The following ADGRV1 variants were observed in gnomAD, a reference collection of about 807,000 sequenced individuals.
The protein encoded by ADGRV1 is G-protein coupled receptor 98.
ADGRV1 carries 359 observed loss-of-function variants against 596.2 expected under a neutral mutation model. That is an observed-to-expected ratio of 0.60 (90% confidence interval 0.55 to 0.66). ADGRV1 has a LOEUF of 0.66. Among genes scored for constraint, ADGRV1 ranks in the 30% least tolerant of loss-of-function variants. The pLI is 0.00. For missense variants in ADGRV1, 7,274 were observed against 7,575.6 expected (o/e 0.96, Z 1.48); for synonymous variants, 2,681 against 2,679.2 (o/e 1.00, Z -0.02).
chr5:90,950,147 A>G (rs1207051860), intron 83 of ADGRV1, among the ~76,000 whole-genome samples: 1 of 152,208 alleles, frequency 6.6e-6, no homozygotes, highest in Non-Finnish European at 1.5e-5. Context: ...AACTGCATTT[A>G]TCTCCTGGAT....
At chr5:91,052,004 T>G (rs1786380985) in intron 85 of ADGRV1, among the ~76,000 whole-genome samples, 1 of 152,204 alleles carries the variant, frequency 6.6e-6, no homozygotes. Flanking sequence ...ACTTGTGACT[T>G]TATTTGATCT....
intron 86 of ADGRV1, 96 bp downstream of exon 86, chr5:91,072,700 G>A: frequency 7.6e-7 from 1 of 1,307,470 alleles, no homozygotes. Flanking sequence ...GGGAAGTTCG[G>A]CTCATCTTTC....
intron 83 of ADGRV1, among the ~76,000 whole-genome samples, chr5:90,893,407 C>T (rs535069326): frequency 2.6e-5 from 4 of 152,200 alleles, no homozygotes; most frequent in Admixed American, 2.0e-4. Flanking sequence ...TTTTACTGGT[C>T]GCACACAACT....
At chr5:90,811,763 C>T (rs1351796051) in intron 74 of ADGRV1, among the ~76,000 whole-genome samples, 1 of 149,296 alleles carries the variant, frequency 6.7e-6, no homozygotes, top group African/African-American at 2.5e-5. Flanking sequence ...AAGATTTAAA[C>T]TGTTGCCTTT....
intron 72 of ADGRV1, 124 bp downstream of exon 72, chr5:90,805,582 A>G: frequency 2.5e-6 from 2 of 792,522 alleles, no homozygotes; most frequent in Admixed American, 3.0e-5. Flanking sequence ...ATGCTCCCAT[A>G]TTTAAGTGAT....
At chr5:91,047,582 C>T (rs1785946597) in intron 85 of ADGRV1, among the ~76,000 whole-genome samples, 1 of 152,114 alleles carries the variant, frequency 6.6e-6, no homozygotes, top group Non-Finnish European at 1.5e-5. Context: ...TAGATTGTGC[C>T]CACCCAGATG....
intron 76 of ADGRV1, 144 bp downstream of exon 76, chr5:90,823,740 GC>G (rs982872975): frequency 4.5e-6 from 3 of 661,512 alleles, no homozygotes; most frequent in Non-Finnish European, 7.5e-6. Context: ...AAATCTCTTT[GC>G]CGACAACAGG....
At chr5:91,035,861 T>TATATATATATATATAATATATATAA in intron 85 of ADGRV1, among the ~76,000 whole-genome samples, 1 of 96,400 alleles carries the variant, frequency 1.0e-5, no homozygotes, top group South Asian at 3.5e-4. Flanking sequence ...TATATATATA[T>TATATATATATATATAATATATATAA]TATATATATA....
intron 83 of ADGRV1, among the ~76,000 whole-genome samples, chr5:90,950,455 G>A (rs540140368): frequency 1.3e-5 from 2 of 152,152 alleles, no homozygotes; most frequent in Admixed American, 6.5e-5. Flanking sequence ...CCGAGTAGCT[G>A]GGATTACAGG....
chr5:90,886,584 C>A (rs1229158424), intron 83 of ADGRV1, among the ~76,000 whole-genome samples: 1 of 152,130 alleles, frequency 6.6e-6, no homozygotes, highest in Non-Finnish European at 1.5e-5. Flanking sequence ...TTGTATACTT[C>A]GTGACTCACA....
intron 87 of ADGRV1, among the ~76,000 whole-genome samples, chr5:91,122,197 A>G (rs1793380814): frequency 6.6e-6 from 1 of 152,182 alleles, no homozygotes; most frequent in Non-Finnish European, 1.5e-5. Context: ...AATACTCTAT[A>G]TGTTGCTTAT....
At chr5:90,920,682 AATTT>A (rs1357799314) in intron 83 of ADGRV1, among the ~76,000 whole-genome samples, 3 of 152,172 alleles carry the variant, frequency 2.0e-5, no homozygotes, top group Non-Finnish European at 4.4e-5. Flanking sequence ...CAGAATGTAA[AATTT>A]ATTTATTTCT....
chr5:90,932,723 GACAA>G (rs66486662), intron 83 of ADGRV1, among the ~76,000 whole-genome samples: 37,764 of 151,820 alleles, frequency 0.25, 5,293 homozygotes, highest in Admixed American at 0.39. Flanking sequence ...CGCTGCAAAA[GACAA>G]ACAGTGATTT....
intron 83 of ADGRV1, among the ~76,000 whole-genome samples, chr5:90,900,031 A>T (rs1325541112): frequency 6.6e-6 from 1 of 152,200 alleles, no homozygotes; most frequent in East Asian, 1.9e-4. Flanking sequence ...TCATTTAGTC[A>T]TTACTTTTTC....
intron 10 of ADGRV1, among the ~76,000 whole-genome samples, chr5:90,635,618 G>A (rs1019980202): frequency 2.0e-5 from 3 of 151,116 alleles, no homozygotes; most frequent in Non-Finnish European, 4.4e-5. Context: ...TTTGAGAGAG[G>A]ATTTTACTCT....
intron 36 of ADGRV1, among the ~76,000 whole-genome samples, chr5:90,704,966 A>T (rs1163746613): frequency 6.6e-6 from 1 of 152,002 alleles, no homozygotes; most frequent in Non-Finnish European, 1.5e-5. Flanking sequence ...ATGCACTACC[A>T]TGCCCAGCTA....
intron 1 of ADGRV1, among the ~76,000 whole-genome samples, chr5:90,573,876 G>A (rs1580315202): frequency 6.6e-6 from 1 of 152,230 alleles, no homozygotes; most frequent in African/African-American, 2.4e-5. Context: ...ATGTGTGCAT[G>A]TTTATACCAA....
At chr5:90,561,662 G>C (rs1424062453) in intron 1 of ADGRV1, among the ~76,000 whole-genome samples, 1 of 152,104 alleles carries the variant, frequency 6.6e-6, no homozygotes, top group African/African-American at 2.4e-5. Flanking sequence ...GTTTGCCTTT[G>C]ATAAGTCATT....
At chr5:91,112,295 C>G (rs1792440655) in intron 87 of ADGRV1, among the ~76,000 whole-genome samples, 1 of 152,196 alleles carries the variant, frequency 6.6e-6, no homozygotes, top group Admixed American at 6.5e-5. Context: ...GCCTCCATTT[C>G]TTCTGCTCTA....
Sources: allele counts gnomAD v4.1 joint callset (sites outside exome capture counted in the v4.1 genomes callset), GRCh38; gene constraint gnomAD v4.1.1; transcripts MANE v1.5; gene names NCBI Gene and HGNC (gene_info 2026-07-23, HGNC 2026-07-21).